PLXDC2: variants seen among roughly 807,000 people sequenced by gnomAD.
PLXDC2 encodes the protein plexin domain-containing protein 2.
PLXDC2 carries 40 observed loss-of-function variants against 68.9 expected under a neutral mutation model. The ratio of observed to expected loss-of-function variants is 0.58; its 90% confidence interval spans 0.45 to 0.76. The LOEUF is 0.76. PLXDC2 is among the 30% of genes least tolerant of loss of function. The pLI, the probability that PLXDC2 is intolerant of heterozygous loss-of-function variation, is 0.00. For synonymous variants in PLXDC2, 243 were observed against 234.2 expected (o/e 1.04, Z -0.34); for missense variants, 644 against 661.9 (o/e 0.97, Z 0.30).
intron 3 of PLXDC2, among the ~76,000 whole-genome samples, chr10:20,057,820 A>G (rs1786281946): frequency 6.6e-6 from 1 of 152,046 alleles, no homozygotes; most frequent in South Asian, 2.1e-4. Flanking sequence ...GTCATAAGGG[A>G]GCAACTCTCG....
rs148692862 is a variant in PLXDC2 at position 20,125,742 on chromosome 10, C to CT, written c.542-17545dup. 3.3e-5 allele frequency among the ~76,000 whole-genome samples: 5 copies of CT among 151,618 alleles called. No homozygotes were observed. The South Asian group carries it at 8.3e-4, about 25-fold the overall frequency. On this transcript the variant is annotated intron_variant, in intron 4 of 13. Coordinates refer to ENST00000377252, the MANE Select transcript of PLXDC2 (RefSeq NM_032812.9). ...GCAATTGCAGCTGCATTTATGTTGT[C>CT]TTTTTTTTAAACTGATTAATGTACA...
intron 1 of PLXDC2, among the ~76,000 whole-genome samples, chr10:19,975,132 G>T (rs1432634134): frequency 6.6e-6 from 1 of 152,136 alleles, no homozygotes; most frequent in Non-Finnish European, 1.5e-5. Flanking sequence ...GCTAGCTCTG[G>T]TTTTTCACCT....
chr10:20,281,803 G>T lies in PLXDC2; in HGVS notation c.*1984G>T, dbSNP rs2119401691. On this transcript the variant is annotated 3_prime_UTR_variant, in exon 14 of 14. Coordinates refer to ENST00000377252, the MANE Select transcript of PLXDC2 (RefSeq NM_032812.9). ...ACCAAATGACATGCCAATATTACTG[G>T]TGCAACTGGTATTCTACAAATGCAT... The T allele has an allele frequency of 6.6e-6, 1 of 152,226 alleles. No individual in the cohort carries two copies. The highest frequency in any genetic ancestry group is 2.4e-5 in the African/African-American group (1 of 41,554). 9.4% of individuals were successfully genotyped at this position (152,226 alleles called of 1,614,324 possible).
intron 1 of PLXDC2, among the ~76,000 whole-genome samples, chr10:19,896,455 G>C (rs1265834960): frequency 6.6e-6 from 1 of 152,132 alleles, no homozygotes; most frequent in African/African-American, 2.4e-5. Context: ...GTTATTTTTG[G>C]GATTGAATGA....
Position 20,177,063 on chromosome 10 carries a change from C to T in PLXDC2, c.948C>T (p.Asn316=). The change falls in exon 8 of 14, where the codon AAC becomes AAT. Residue 316 remains asparagine (N), a synonymous_variant. Coordinates refer to ENST00000377252, the MANE Select transcript of PLXDC2 (RefSeq NM_032812.9). Reference sequence around the variant, plus strand: ...AGCTACAAATGTCAAAAATTACCAACATTTCGGCTGTGGAGATGACCCCAT... The same window carrying T: ...AGCTACAAATGTCAAAAATTACCAATATTTCGGCTGTGGAGATGACCCCAT... ...RVELQMSKIT[N]ISAVEMTPLP... is the part of the protein sequence containing the mutation. 1 of 1,611,376 alleles carries T rather than the reference C, an allele frequency of 6.2e-7. No homozygotes were observed. Among genetic ancestry groups the T allele is most frequent in the Non-Finnish European group, 8.5e-7 (1 of 1,178,548 alleles).
At chr10:20,128,066 GTGGAATAAC>G (rs955894570) in intron 4 of PLXDC2, among the ~76,000 whole-genome samples, 69 of 152,288 alleles carry the variant, frequency 4.5e-4, no homozygotes, top group African/African-American at 1.6e-3. Flanking sequence ...AAACATGGAA[GTGGAATAAC>G]TGTCTTCTAG....
intron 9 of PLXDC2, among the ~76,000 whole-genome samples, chr10:20,177,933 C>T (rs1191680333): frequency 6.6e-6 from 1 of 151,990 alleles, no homozygotes; most frequent in African/African-American, 2.4e-5. Flanking sequence ...CATTTATAGT[C>T]AGTAAGGCCA....
At chr10:20,136,918 A>T (rs2460599) in intron 4 of PLXDC2, among the ~76,000 whole-genome samples, 47,770 of 152,176 alleles carry the variant, frequency 0.31, 9,882 homozygotes, top group Non-Finnish European at 0.47. Flanking sequence ...GACACTTCCA[A>T]TTAAACAAAA....
intron 1 of PLXDC2, among the ~76,000 whole-genome samples, chr10:19,872,618 G>C (rs568891884): frequency 6.6e-6 from 1 of 152,168 alleles, no homozygotes; most frequent in Non-Finnish European, 1.5e-5. Flanking sequence ...AATGTGGTTC[G>C]GAGTTTGGGA....
At chr10:19,931,461 A>G (rs113161918) in intron 1 of PLXDC2, among the ~76,000 whole-genome samples, 2,925 of 152,336 alleles carry the variant, frequency 0.019, 51 homozygotes, top group Middle Eastern at 0.054. Flanking sequence ...TAAAAGGTGC[A>G]TGTAAATCAT....
chr10:19,962,615 C>T (rs1275058756), intron 1 of PLXDC2, among the ~76,000 whole-genome samples: 6 of 146,502 alleles, frequency 4.1e-5, no homozygotes, highest in Non-Finnish European at 9.0e-5. Flanking sequence ...TGGTCTCGAT[C>T]TCCTGACGTC....
At chr10:19,825,294 G>C (rs1836549979) in intron 1 of PLXDC2, among the ~76,000 whole-genome samples, 1 of 152,270 alleles carries the variant, frequency 6.6e-6, no homozygotes, top group Middle Eastern at 3.4e-3. Flanking sequence ...TTGAGGCTTT[G>C]AGAATATGGA....
At chr10:20,037,209 A>G (rs1270347191) in intron 2 of PLXDC2, among the ~76,000 whole-genome samples, 1 of 152,172 alleles carries the variant, frequency 6.6e-6, no homozygotes, top group Non-Finnish European at 1.5e-5. Flanking sequence ...TGTTAATTTT[A>G]TGTATTTTAG....
At chr10:20,180,063 A>G (rs929819563) in intron 9 of PLXDC2, among the ~76,000 whole-genome samples, 25 of 152,186 alleles carry the variant, frequency 1.6e-4, no homozygotes, top group Admixed American at 1.0e-3. Context: ...ATACCACAAG[A>G]AAGTATCATC....
At chr10:20,188,954 A>G (rs902997265) in intron 9 of PLXDC2, among the ~76,000 whole-genome samples, 5 of 151,732 alleles carry the variant, frequency 3.3e-5, no homozygotes, top group Non-Finnish European at 7.4e-5. Flanking sequence ...TTACAATGCT[A>G]TAAGAGATAA....
Position 19,900,756 on chromosome 10 carries a change from C to T in PLXDC2, c.112+83565C>T, listed in dbSNP as rs1010975711. Among the ~76,000 whole-genome samples the T allele has an allele frequency of 7.2e-5, 11 of 151,952 alleles. No individual in the cohort carries two copies. In the East Asian group the frequency reaches 9.7e-4, roughly 13 times the overall value. ...TGTGTAGGTTTTTATCTCTCACCCC[C>T]GCCTACCCTTTGCCCAGAGCCCCCA... On this transcript the variant is annotated intron_variant, in intron 1 of 13. Coordinates refer to ENST00000377252, the MANE Select transcript of PLXDC2 (RefSeq NM_032812.9).
At chr10:20,154,580 G>T (rs1042467110) in intron 6 of PLXDC2, among the ~76,000 whole-genome samples, 2 of 145,586 alleles carry the variant, frequency 1.4e-5, no homozygotes, top group East Asian at 4.0e-4. Context: ...AAAAAAAAAT[G>T]TATTTAAAAA....
intron 4 of PLXDC2, among the ~76,000 whole-genome samples, chr10:20,112,621 C>T (rs186444442): frequency 9.8e-5 from 15 of 152,304 alleles, no homozygotes; most frequent in Admixed American, 2.0e-4. Context: ...ACTTCTATCA[C>T]GGTGGATTTA....
intron 1 of PLXDC2, among the ~76,000 whole-genome samples, chr10:19,836,833 G>T (rs1564604314): frequency 6.6e-6 from 1 of 152,174 alleles, no homozygotes; most frequent in Non-Finnish European, 1.5e-5. Context: ...AAGAAAGAAT[G>T]TTGTTTTTCC....
Sources: gnomAD v4.1 joint callset for allele counts (sites outside exome capture counted in the v4.1 genomes callset) on GRCh38, gnomAD v4.1.1 for gene constraint, MANE v1.5 for transcripts, NCBI Gene and HGNC (gene_info 2026-07-23, HGNC 2026-07-21) for gene names.